NUP107: variants seen among roughly 807,000 people sequenced by gnomAD.
NUP107 encodes nucleoporin 107, also known as nuclear pore complex protein Nup107.
In NUP107, 101 loss-of-function variants were observed where a neutral mutation model predicts 141.0. The ratio of observed to expected loss-of-function variants is 0.72; its 90% CI spans 0.61 to 0.84. The LOEUF is 0.84. NUP107 is among the 40% of genes least tolerant of loss of function. The probability of loss-of-function intolerance (pLI) is 0.00; values close to 1 mark genes in which losing one functional copy is unlikely to be tolerated. For synonymous variants in NUP107, 319 were observed against 363.9 expected, an observed-to-expected ratio of 0.88 and a Z score of 1.41; for missense variants, 941 against 1,102.7, an observed-to-expected ratio of 0.85 and a Z score of 2.08.
chr12:68,719,795 C>A (rs778530043), intron 14 of NUP107, 141 bp downstream of exon 14: 18 of 648,486 alleles, frequency 2.8e-5, no homozygotes, highest in Non-Finnish European at 4.4e-5. Flanking sequence ...GGCTTAACTA[C>A]TTATCAGAAT....
chr12:68,731,214 A>G lies in NUP107; in HGVS notation c.1839A>G (p.Thr613=). The change falls in exon 21 of 28, where the codon ACA becomes ACG. Residue 613 remains threonine, a synonymous_variant. Coordinates refer to ENST00000229179, the MANE Select transcript of NUP107 (RefSeq NM_020401.4). The part of the protein sequence containing the change: ...AQYALFLESV[T]EFEQRHHCLE... ...ATGCATTATTTTTGGAAAGTGTTAC[A>G]GAATTTGAACAGCGCCACCATTGCC... 2 of 1,612,650 alleles carry G rather than the reference A, an allele frequency of 1.2e-6. No homozygotes were observed. Among genetic ancestry groups the G allele is most frequent in the Non-Finnish European group, 1.7e-6 (2 of 1,179,358 alleles).
chr12:68,709,681 G>C (rs767490852), intron 9 of NUP107, among the ~76,000 whole-genome samples: 1 of 151,796 alleles, frequency 6.6e-6, no homozygotes, highest in Non-Finnish European at 1.5e-5. Context: ...TCGAGGTCAG[G>C]AGATCGAGAC....
intron 8 of NUP107, chr12:68,707,054 G>A: frequency 1.7e-6 from 1 of 589,064 alleles, no homozygotes; most frequent in Non-Finnish European, 3.0e-6. Flanking sequence ...TGAGTCGTCT[G>A]ATGTACTGAC....
intron 12 of NUP107, among the ~76,000 whole-genome samples, chr12:68,718,755 ACT>A (rs1194345696): frequency 6.6e-6 from 1 of 151,932 alleles, no homozygotes; most frequent in Admixed American, 6.6e-5. Flanking sequence ...ATATAATGAG[ACT>A]CTGTCTCTAC....
At chr12:68,731,315 G>C (rs1249325712) in intron 21 of NUP107, 55 bp downstream of exon 21, 1 of 1,511,716 alleles carries the variant, frequency 6.6e-7, no homozygotes, top group East Asian at 2.3e-5. Flanking sequence ...TGTTCATTTT[G>C]GCTGTAGTAA....
chr12:68,694,808 G>A (rs1875972813), intron 5 of NUP107, among the ~76,000 whole-genome samples: 1 of 152,222 alleles, frequency 6.6e-6, no homozygotes, highest in East Asian at 1.9e-4. Context: ...GACTGAGGCA[G>A]GAGACTCGCT....
At position 68,743,984 on chromosome 12, in the gene NUP107, G is replaced by C. The variant is rs1878419731; in HGVS notation, c.*1522G>C. ...TTCATACCAAAACAAATACAGACTAGATTTGGGGTGGGGAGGGGAAATAAG... is the reference window on the plus strand; with the variant it reads ...TTCATACCAAAACAAATACAGACTACATTTGGGGTGGGGAGGGGAAATAAG... On this transcript the variant is annotated 3_prime_UTR_variant, in exon 28 of 28. Coordinates refer to ENST00000229179, the MANE Select transcript of NUP107 (RefSeq NM_020401.4). 6.6e-6 allele frequency: 1 copy of C among 152,168 alleles called. No individual in the cohort carries two copies. Among genetic ancestry groups the C allele is most frequent in the African/African-American group, 2.4e-5 (1 of 41,432 alleles). The allele number at this position is 152,168 out of a possible 1,614,324, so 9.4% of individuals were successfully genotyped here.
intron 15 of NUP107, 74 bp from the exon 16 acceptor site, chr12:68,721,767 A>G (rs1957797530): frequency 7.3e-7 from 1 of 1,375,526 alleles, no homozygotes; most frequent in Admixed American, 2.0e-5. Context: ...AGTCTGTATC[A>G]TTGGATGTAA....
chr12:68,725,897 C>T, intron 18 of NUP107, 101 bp downstream of exon 18: 12 of 633,140 alleles, frequency 1.9e-5, no homozygotes, highest in Non-Finnish European at 3.0e-5. Context: ...AGTGCAGTGG[C>T]TCAGTCTCAG....
At position 68,691,951 on chromosome 12, in the gene NUP107, T is replaced by C. The variant is rs752217761; in HGVS notation, c.304-17T>C. On this transcript the variant is annotated splice_polypyrimidine_tract_variant and intron_variant, in intron 4 of 27. Transcript: ENST00000229179. ...CCATCACTTTTCTGTATTTTTACTT[T>C]TTTGTTTTTTTTTAAGGTTACTAAT... 6.3e-7 allele frequency: 1 copy of C among 1,578,098 alleles called. No homozygotes were observed. Among genetic ancestry groups the C allele is most frequent in the Non-Finnish European group, 8.6e-7 (1 of 1,168,488 alleles).
Position 68,725,714 on chromosome 12 carries a change from AC to A in NUP107, c.1507-12del, listed in dbSNP as rs1353214244. ...CTAGAAGATTTATGGAAAATTAAAA[AC>A]TTTTTTTTCAGAGAGTTCTGGAAGA... On this transcript the variant is annotated splice_polypyrimidine_tract_variant and intron_variant, in intron 17 of 27. Coordinates refer to ENST00000229179, the MANE Select transcript of NUP107 (RefSeq NM_020401.4). 2.2e-6 allele frequency: 3 copies of A among 1,386,584 alleles called. No homozygotes were observed. In the African/African-American group the frequency reaches 4.4e-5, roughly 20 times the overall value. The allele number at this position is 1,386,584 out of a possible 1,614,324, so 85.9% of individuals were successfully genotyped here.
At chr12:68,694,729 C>T (rs2136000669) in intron 5 of NUP107, among the ~76,000 whole-genome samples, 1 of 152,124 alleles carries the variant, frequency 6.6e-6, no homozygotes, top group East Asian at 1.9e-4. Context: ...TGGAGAAACC[C>T]TCTCCCTACT....
chr12:68,701,994 T>C (rs1463758979), intron 7 of NUP107, among the ~76,000 whole-genome samples: 1 of 151,924 alleles, frequency 6.6e-6, no homozygotes, highest in African/African-American at 2.4e-5. Flanking sequence ...ATTTTTATTT[T>C]ATTTTTATTT....
chr12:68,700,233 A>T (rs1454833971), intron 6 of NUP107, among the ~76,000 whole-genome samples: 1 of 152,064 alleles, frequency 6.6e-6, no homozygotes, highest in Non-Finnish European at 1.5e-5. Context: ...ACTATTTTGG[A>T]ATGAGGAAGG....
intron 10 of NUP107, among the ~76,000 whole-genome samples, chr12:68,711,828 T>C (rs1431968245): frequency 6.6e-6 from 1 of 152,176 alleles, no homozygotes; most frequent in African/African-American, 2.4e-5. Flanking sequence ...AATGTAACTA[T>C]TCTGGACTTT....
At chr12:68,687,649 CAAAG>C in intron 1 of NUP107, 3 of 985,536 alleles carry the variant, frequency 3.0e-6, no homozygotes, top group Non-Finnish European at 3.6e-6. Context: ...GAAGACCCCT[CAAAG>C]AAGGTAACTT....
chr12:68,738,738 A>G (rs530330296), intron 26 of NUP107, among the ~76,000 whole-genome samples: 15 of 152,220 alleles, frequency 9.9e-5, no homozygotes, highest in East Asian at 7.7e-4. Flanking sequence ...ATCTTTACCT[A>G]CCTTTCACTA....
chr12:68,719,430 A>G lies in NUP107; in HGVS notation c.1173A>G (p.Gly391=). 1 of 1,612,334 alleles carries G rather than the reference A, an allele frequency of 6.2e-7. No homozygotes were observed. The highest frequency in any genetic ancestry group is 8.5e-7 in the Non-Finnish European group (1 of 1,178,498). ...WKLYHDPNVN[G]GTELEPVEGN... Reference sequence around the variant, plus strand: ...TGTACCATGACCCTAATGTTAATGGAGGTATTTTAGTAGATTTTATTCTGA... The same window carrying G: ...TGTACCATGACCCTAATGTTAATGGGGGTATTTTAGTAGATTTTATTCTGA... Residue 391 remains glycine (G), a splice_region_variant and synonymous_variant, in exon 13 of 28, where the codon GGA becomes GGG. Coordinates refer to ENST00000229179, the MANE Select transcript of NUP107 (RefSeq NM_020401.4).
rs35505754 is a variant in NUP107, at chr12:68,710,651, T to TAAA, written c.890+574_890+576dup. Reference sequence around the variant, plus strand: ...GCCTGGGCGACAGAGCAGGCCGTCTTAAAAAAAAAAAAAAAAAACAGAAAA... The same window carrying TAAA: ...GCCTGGGCGACAGAGCAGGCCGTCTTAAAAAAAAAAAAAAAAAAAAACAGAAAA... On this transcript the variant is annotated intron_variant, in intron 10 of 27. Transcript: ENST00000229179. Among the ~76,000 whole-genome samples the TAAA allele has an allele frequency of 2.0e-3, 218 of 110,726 alleles. 4 individuals carry two copies. Among genetic ancestry groups the TAAA allele is most frequent in the South Asian group, 0.013 (40 of 3,158 alleles). The allele number at this position is 110,726 out of a possible 152,430, so 72.6% of individuals were successfully genotyped here.
Sources: gnomAD v4.1 joint callset for allele counts (sites outside exome capture counted in the v4.1 genomes callset) on GRCh38, gnomAD v4.1.1 for gene constraint, MANE v1.5 for transcripts, NCBI Gene and HGNC (gene_info 2026-07-23, HGNC 2026-07-21) for gene names.